Variants in ASIC5 observed in about 807,000 individuals in gnomAD.
ASIC5 encodes the protein bile acid-sensitive ion channel.
Under a neutral mutation model 51.2 loss-of-function variants are expected in ASIC5, and 52 were observed. The observed-to-expected ratio is 1.02, with a 90% CI of 0.81 to 1.28. The LOEUF is 1.28. Among genes scored for constraint, ASIC5 ranks in the 50% most tolerant of loss-of-function variants. The pLI, the probability that ASIC5 is intolerant of heterozygous loss-of-function variation, is 0.00. For synonymous variants in ASIC5, 231 were observed against 200.7 expected, an observed-to-expected ratio of 1.15 and a Z score of -1.28; for missense variants, 635 against 595.0, an observed-to-expected ratio of 1.07 and a Z score of -0.70.
At chr4:155,846,433 C>T (rs1237506761) in intron 4 of ASIC5, among the ~76,000 whole-genome samples, 1 of 152,068 alleles carries the variant, frequency 6.6e-6, no homozygotes, top group African/African-American at 2.4e-5. Flanking sequence ...TTCAAAATTA[C>T]CATAATTTCT....
In ASIC5 at chr4:155,836,826, T is replaced by C. The variant is rs766184194; in HGVS notation, c.1098A>G (p.Val366=). 11 of 1,607,886 alleles carry C rather than the reference T, an allele frequency of 6.8e-6. No individual in the cohort carries two copies. The highest frequency in any genetic ancestry group is 4.4e-5 in the South Asian group (4 of 90,140). Residue 366 remains valine (V), a synonymous_variant, in exon 8 of 10, where the codon GTA becomes GTG. Transcript: ENST00000537611. ...CGGGGCAGCTAGAGTTATGTGTTCC[T>C]ACTGTACATAAATCCTTAAATTCAA... is the stretch of plus-strand genomic sequence containing the variant. ...DHIEFKDLCT[V]GTHNSSCPVS... is the part of the protein sequence containing the mutation.
intron 4 of ASIC5, among the ~76,000 whole-genome samples, chr4:155,850,506 A>G: frequency 6.6e-6 from 1 of 151,980 alleles, no homozygotes; most frequent in African/African-American, 2.4e-5. Context: ...AACTTTCTAA[A>G]ATGATTGAGA....
chr4:155,840,180 T>G (rs142868748), intron 6 of ASIC5, among the ~76,000 whole-genome samples: 1 of 152,174 alleles, frequency 6.6e-6, no homozygotes, highest in East Asian at 1.9e-4. Context: ...TAATCATAAC[T>G]TTTAAAATTG....
intron 7 of ASIC5, among the ~76,000 whole-genome samples, chr4:155,837,126 GTC>G (rs1741001452): frequency 5.7e-5 from 1 of 17,470 alleles, no homozygotes; most frequent in African/African-American, 2.0e-4. Flanking sequence ...AAGTATCTGG[GTC>G]TATTTCTGTA....
intron 8 of ASIC5, among the ~76,000 whole-genome samples, chr4:155,832,230 G>C (rs146852569): frequency 2.0e-3 from 306 of 152,130 alleles, no homozygotes; most frequent in African/African-American, 7.1e-3. Flanking sequence ...TTCAAATCTT[G>C]GTTCTGTCTT....
At chr4:155,843,561 T>G (rs111457352) in intron 5 of ASIC5, 120 bp downstream of exon 5, 2 of 1,095,696 alleles carry the variant, frequency 1.8e-6, no homozygotes, top group African/African-American at 3.1e-5. Context: ...TGAAATGAAA[T>G]TTTGGAATTT....
Position 155,843,740 on chromosome 4 carries a change from C to G in ASIC5, c.802G>C (p.Gly268Arg), listed in dbSNP as rs1560744503. Reference sequence around the variant, plus strand: ...CCCACAGGTGACAACAAGCCTAACCCATCAAACTGTGGCACCTTCTTTGGT... The same window carrying G: ...CCCACAGGTGACAACAAGCCTAACCGATCAAACTGTGGCACCTTCTTTGGT... ...HSPKKVPQFD[G>R]LGLLSPVGMH... Residue 268 changes from glycine (G) to arginine (R), a missense_variant, in exon 5 of 10, where the codon GGG (glycine) becomes CGG (arginine). Physicochemically the swap from Gly to Arg is moderately radical, Grantham distance 125. Coordinates refer to ENST00000537611, the MANE Select transcript of ASIC5 (RefSeq NM_017419.3). 1.2e-6 allele frequency: 2 copies of G among 1,613,550 alleles called. No homozygotes were observed. The highest frequency in any genetic ancestry group is 2.7e-5 in the African/African-American group (2 of 74,878).
intron 7 of ASIC5, among the ~76,000 whole-genome samples, chr4:155,838,282 G>A (rs1741034848): frequency 6.6e-6 from 1 of 152,026 alleles, no homozygotes; most frequent in African/African-American, 2.4e-5. Context: ...AGCGATTATT[G>A]CAGGTTAAGG....
At chr4:155,863,844 T>A in intron 1 of ASIC5, 90 bp from the exon 2 acceptor site, 2 of 1,031,590 alleles carry the variant, frequency 1.9e-6, no homozygotes, top group Non-Finnish European at 2.8e-6. Context: ...TCACATAATT[T>A]AAAGAGGTGA....
Position 155,853,625 on chromosome 4 carries a change from TATA to T in ASIC5, c.585+449_585+451del, listed in dbSNP as rs202163489. Among the ~76,000 whole-genome samples the T allele has an allele frequency of 6.6e-5, 8 of 120,538 alleles. No homozygotes were observed. The South Asian group carries it at 1.0e-3, about 15-fold the overall frequency. 79.1% of individuals were successfully genotyped at this position (120,538 alleles called of 152,430 possible). Reference sequence around the variant, plus strand: ...TAGTTATTATATATAATATATAATATATAATAATAATATATAAATTTTTCATAG... The same window carrying T: ...TAGTTATTATATATAATATATAATATATAATAATATATAAATTTTTCATAG... On this transcript the variant is annotated intron_variant, in intron 3 of 9. Transcript: ENST00000537611.
intron 4 of ASIC5, among the ~76,000 whole-genome samples, chr4:155,847,103 G>T (rs1400219065): frequency 2.0e-5 from 3 of 152,034 alleles, no homozygotes; most frequent in African/African-American, 7.2e-5. Flanking sequence ...AAACCAGAAA[G>T]TTCAAGCATG....
intron 2 of ASIC5, among the ~76,000 whole-genome samples, chr4:155,859,245 C>T (rs1741630307): frequency 1.3e-5 from 2 of 152,002 alleles, no homozygotes; most frequent in Non-Finnish European, 2.9e-5. Context: ...AAAAATATGT[C>T]AGTGTCCAAA....
chr4:155,845,138 T>A (rs1001271148), intron 4 of ASIC5, among the ~76,000 whole-genome samples: 5 of 152,116 alleles, frequency 3.3e-5, no homozygotes, highest in Non-Finnish European at 7.4e-5. Flanking sequence ...CTAAAGGGGC[T>A]TTATTTACAT....
Position 155,863,716 on chromosome 4 carries a change from G to C in ASIC5, c.79C>G (p.Pro27Ala). ...EKIKLCLSKK[P>A]LPSPTERKKF... ...TTTCGCTCAGTGGGAGATGGCAGTGGTTTCTTTGAAAGGCAAAGCTTTATC... is the reference window on the plus strand; with the variant it reads ...TTTCGCTCAGTGGGAGATGGCAGTGCTTTCTTTGAAAGGCAAAGCTTTATC... Residue 27 changes from proline (P) to alanine (A), a missense_variant, in exon 2 of 10, where the codon CCA becomes GCA. Pro to Ala is a conservative substitution (Grantham distance 27). Transcript: ENST00000537611. 6.2e-7 allele frequency: 1 copy of C among 1,613,650 alleles called. No homozygotes were observed. Among genetic ancestry groups the C allele is most frequent in the South Asian group, 1.1e-5 (1 of 91,060 alleles).
intron 4 of ASIC5, 123 bp downstream of exon 4, chr4:155,852,068 A>C: frequency 1.7e-6 from 2 of 1,185,030 alleles, no homozygotes; most frequent in South Asian, 2.9e-5. Context: ...TCTAGACTAA[A>C]TTAACAAAAA....
intron 5 of ASIC5, 147 bp from the exon 6 acceptor site, chr4:155,842,501 T>A: frequency 1.5e-6 from 1 of 659,270 alleles, no homozygotes; most frequent in Non-Finnish European, 2.5e-6. Flanking sequence ...CTATTTTGCC[T>A]ACTCTATTGA....
chr4:155,863,259 G>A (rs1741760501), intron 2 of ASIC5, among the ~76,000 whole-genome samples, 189 bp downstream of exon 2: 1 of 152,094 alleles, frequency 6.6e-6, no homozygotes, highest in Non-Finnish European at 1.5e-5. Context: ...TGGAAAATAA[G>A]TGAAAGAAGA....
chr4:155,833,980 C>T (rs912509128), intron 8 of ASIC5, among the ~76,000 whole-genome samples: 4 of 152,146 alleles, frequency 2.6e-5, no homozygotes, highest in Non-Finnish European at 4.4e-5. Context: ...TCTAAAAAAG[C>T]TTCCAGATGC....
rs1433446919 is a variant in ASIC5, at chr4:155,836,833, C to T, written c.1091G>A (p.Cys364Tyr). 6.2e-7 allele frequency: 1 copy of T among 1,600,114 alleles called. No homozygotes were observed. Among genetic ancestry groups the T allele is most frequent in the South Asian group, 1.1e-5 (1 of 88,074 alleles). ...GCTAGAGTTATGTGTTCCTACTGTA[C>T]ATAAATCCTTAAATTCAATGTGGTC... ...VLDHIEFKDL[C>Y]TVGTHNSSCP... is the part of the protein sequence containing the mutation. Residue 364 changes from cysteine to tyrosine, a missense_variant, in exon 8 of 10, where the codon TGT becomes TAT. Transcript: ENST00000537611.
Sources: gnomAD v4.1 joint callset for allele counts (sites outside exome capture counted in the v4.1 genomes callset) on GRCh38, gnomAD v4.1.1 for gene constraint, MANE v1.5 for transcripts, NCBI Gene and HGNC (gene_info 2026-07-23, HGNC 2026-07-21) for gene names.